Variants in FSTL5 observed in about 807,000 individuals in gnomAD.
FSTL5 encodes the protein follistatin-related protein 5.
A neutral mutation model predicts 89.1 loss-of-function variants in FSTL5; 62 were observed. The observed-to-expected ratio is 0.70, with a 90% CI of 0.57 to 0.86. The LOEUF (loss-of-function observed/expected upper bound fraction) is 0.86, where lower values mean the gene tolerates loss of function less well. Among genes scored for constraint, FSTL5 ranks in the 40% least tolerant of loss-of-function variants. FSTL5 has a pLI of 0.00. For synonymous variants in FSTL5, 383 were observed against 346.2 expected, an observed-to-expected ratio of 1.11 and a Z score of -1.18; for missense variants, 1,057 against 1,001.6, an observed-to-expected ratio of 1.06 and a Z score of -0.75.
chr4:161,568,924 G>A (rs1183783730), intron 8 of FSTL5, among the ~76,000 whole-genome samples: 1 of 152,146 alleles, frequency 6.6e-6, no homozygotes, highest in African/African-American at 2.4e-5. Flanking sequence ...TAGTTATATA[G>A]AAGGAATCTT....
chr4:161,496,311 T>C (rs1465886980), intron 12 of FSTL5, among the ~76,000 whole-genome samples: 2 of 152,156 alleles, frequency 1.3e-5, no homozygotes, highest in Admixed American at 6.6e-5. Context: ...TTGATTTATA[T>C]GTCAGCATGG....
chr4:161,786,445 T>C (rs1047913294), intron 4 of FSTL5, among the ~76,000 whole-genome samples: 3 of 152,100 alleles, frequency 2.0e-5, no homozygotes, highest in African/African-American at 7.2e-5. Flanking sequence ...ATTTGTTAAC[T>C]GTGATTACTT....
chr4:161,411,562 T>C (rs1731593157), intron 15 of FSTL5, among the ~76,000 whole-genome samples: 1 of 152,120 alleles, frequency 6.6e-6, no homozygotes, highest in Admixed American at 6.6e-5. Flanking sequence ...ATATACTGCA[T>C]AAACAGAATC....
chr4:161,983,635 TC>T (rs1346663227), intron 3 of FSTL5, among the ~76,000 whole-genome samples: 4 of 152,152 alleles, frequency 2.6e-5, no homozygotes, highest in African/African-American at 9.7e-5. Flanking sequence ...ATCATGCATT[TC>T]ATGAAAATGA....
chr4:161,752,275 G>A (rs539784563), intron 6 of FSTL5, among the ~76,000 whole-genome samples: 82 of 137,376 alleles, frequency 6.0e-4, no homozygotes, highest in Middle Eastern at 3.8e-3. Flanking sequence ...ATAGATAGAT[G>A]GAATGTTTCC....
chr4:161,402,023 G>A lies in FSTL5; in HGVS notation c.1842-15574C>T, dbSNP rs549230324. Reference sequence around the variant, plus strand: ...GATTTGATCTTTTCATTTAGCCAAAGGATTTATAAAGTGCTTTTTCATATC... The same window carrying A: ...GATTTGATCTTTTCATTTAGCCAAAAGATTTATAAAGTGCTTTTTCATATC... On this transcript the variant is annotated intron_variant, in intron 15 of 15. Coordinates refer to ENST00000306100, the MANE Select transcript of FSTL5 (RefSeq NM_020116.5). 2.6e-5 allele frequency among the ~76,000 whole-genome samples: 4 copies of A among 152,022 alleles called. No individual in the cohort carries two copies. The East Asian group carries it at 7.7e-4, about 29-fold the overall frequency.
At chr4:161,845,832 G>A (rs12509749) in intron 4 of FSTL5, among the ~76,000 whole-genome samples, 19,434 of 152,118 alleles carry the variant, frequency 0.13, 1,357 homozygotes, top group Middle Eastern at 0.17. Context: ...GGTCCCTAGA[G>A]GTCAGGAGTT....
At chr4:161,974,912 A>T (rs1310088559) in intron 3 of FSTL5, among the ~76,000 whole-genome samples, 2 of 151,616 alleles carry the variant, frequency 1.3e-5, no homozygotes, top group East Asian at 1.9e-4. Flanking sequence ...ACAAGAAAAA[A>T]ACAAACAACC....
chr4:161,684,504 T>C (rs1737642346), intron 6 of FSTL5, among the ~76,000 whole-genome samples: 1 of 152,208 alleles, frequency 6.6e-6, no homozygotes, highest in Non-Finnish European at 1.5e-5. Context: ...TTAATTTGCA[T>C]TTCCCTGATC....
rs1336961008 is a variant in FSTL5, at chr4:161,834,222, T to C, written c.410-58148A>G. On this transcript the variant is annotated intron_variant, in intron 4 of 15. Coordinates refer to ENST00000306100, the MANE Select transcript of FSTL5 (RefSeq NM_020116.5). ...AAAACCACATGATTATCTCAATAGATGCAGAAAAGGCCTTTGACAAAATTC... is the reference window on the plus strand; with the variant it reads ...AAAACCACATGATTATCTCAATAGACGCAGAAAAGGCCTTTGACAAAATTC... Among the ~76,000 whole-genome samples the C allele has an allele frequency of 2.0e-5, 3 of 152,170 alleles. No homozygotes were observed. The East Asian group carries it at 5.8e-4, about 29-fold the overall frequency.
At chr4:161,997,514 G>C (rs1396970875) in intron 3 of FSTL5, among the ~76,000 whole-genome samples, 1 of 151,468 alleles carries the variant, frequency 6.6e-6, no homozygotes, top group Non-Finnish European at 1.5e-5. Context: ...CCTTTCAATT[G>C]AATACAAATC....
In FSTL5 at chr4:161,385,927, T is replaced by C. The variant is rs547566509; in HGVS notation, c.2364A>G (p.Ala788=). The part of the protein sequence containing the change: ...MIKSLKEPLK[A]EEWPWNRKNR... ...TTTTCCGGTTCCAAGGCCATTCTTC[T>C]GCCTTGAGTGGTTCCTTGAGACTCT... is the stretch of plus-strand genomic sequence containing the variant. Residue 788 remains alanine, a synonymous_variant, in exon 16 of 16, where the codon GCA becomes GCG. Coordinates refer to ENST00000306100, the MANE Select transcript of FSTL5 (RefSeq NM_020116.5). 3 of 1,614,004 alleles carry C rather than the reference T, an allele frequency of 1.9e-6. No individual in the cohort carries two copies. The highest frequency in any genetic ancestry group is 2.2e-5 in the South Asian group (2 of 91,076).
At chr4:162,129,046 C>T (rs1350468951) in intron 1 of FSTL5, among the ~76,000 whole-genome samples, 1 of 152,012 alleles carries the variant, frequency 6.6e-6, no homozygotes, top group Admixed American at 6.6e-5. Context: ...TGTTCTCCTG[C>T]CTCAGCCTCC....
At chr4:161,531,225 A>G (rs1731402880) in intron 10 of FSTL5, among the ~76,000 whole-genome samples, 1 of 152,186 alleles carries the variant, frequency 6.6e-6, no homozygotes, top group Non-Finnish European at 1.5e-5. Context: ...AAAGTTTCCC[A>G]CTTCAAAGAT....
At chr4:161,782,504 T>C (rs192032104) in intron 4 of FSTL5, among the ~76,000 whole-genome samples, 1 of 152,166 alleles carries the variant, frequency 6.6e-6, no homozygotes, top group Non-Finnish European at 1.5e-5. Context: ...TGATTATATT[T>C]TATAAGACCT....
At chr4:161,587,756 T>C (rs1028774332) in intron 7 of FSTL5, among the ~76,000 whole-genome samples, 181 bp from the exon 8 acceptor site, 2 of 152,222 alleles carry the variant, frequency 1.3e-5, no homozygotes, top group South Asian at 2.1e-4. Context: ...TCTAACAATA[T>C]GTTTTGTTTA....
chr4:162,119,904 T>A (rs1251604697), intron 1 of FSTL5, among the ~76,000 whole-genome samples: 1 of 152,128 alleles, frequency 6.6e-6, no homozygotes, highest in Non-Finnish European at 1.5e-5. Context: ...TGTGAAAATA[T>A]CCAACATTTT....
At chr4:161,556,982 T>A (rs1025704533) in intron 8 of FSTL5, among the ~76,000 whole-genome samples, 2 of 151,344 alleles carry the variant, frequency 1.3e-5, no homozygotes, top group South Asian at 2.1e-4. Context: ...GTTTCCTAAT[T>A]TCAGAATGAG....
chr4:162,087,413 CAT>C (rs1195880106), intron 2 of FSTL5, among the ~76,000 whole-genome samples: 2 of 151,834 alleles, frequency 1.3e-5, no homozygotes, highest in African/African-American at 4.8e-5. Flanking sequence ...CGTATAATGA[CAT>C]AGAGAATAAA....
Sources: allele counts gnomAD v4.1 joint callset (sites outside exome capture counted in the v4.1 genomes callset), GRCh38; gene constraint gnomAD v4.1.1; transcripts MANE v1.5; gene names NCBI Gene and HGNC (gene_info 2026-07-23, HGNC 2026-07-21).